BASP1: variants seen among roughly 807,000 people sequenced by gnomAD.
The protein encoded by BASP1 is brain abundant membrane attached signal protein 1.
A neutral mutation model predicts 2.2 loss-of-function variants in BASP1; 1 was observed. That is an observed-to-expected ratio of 0.46 (90% CI 0.16 to 2.17). BASP1 has a LOEUF of 2.17. BASP1 is among the 30% of genes most tolerant of loss of function. The pLI is 0.27. For missense variants in BASP1, 352 were observed against 327.2 expected (o/e 1.08, Z -0.58); for synonymous variants, 187 against 154.2 (o/e 1.21, Z -1.58).
chr5:17,273,798 G>A (rs116125714), intron 1 of BASP1, among the ~76,000 whole-genome samples: 2,073 of 152,178 alleles, frequency 0.014, 52 homozygotes, highest in African/African-American at 0.047. Context: ...CCTCCCTTGG[G>A]GTCCAGGGCA....
chr5:17,275,108 C>T lies in BASP1; in HGVS notation c.-9-100C>T, dbSNP rs1280356880. 2 of 1,080,764 alleles carry T rather than the reference C, an allele frequency of 1.9e-6. No individual in the cohort carries two copies. Among genetic ancestry groups the T allele is most frequent in the Non-Finnish European group, 2.7e-6 (2 of 732,166 alleles). The allele number at this position is 1,080,764 out of a possible 1,614,324, so 66.9% of individuals were successfully genotyped here. On this transcript the variant is annotated intron_variant, in intron 1 of 1. Transcript: ENST00000322611. The surrounding 1 kb of genome is among the most constrained non-coding windows in gnomAD (Gnocchi z 5.3). ...TGCCACCCCTTTGGGGTGTGCAGTG[C>T]AGCAGGCCCAGAACCCCTTGCTTTG...
chr5:17,263,930 A>G (rs1740368988), intron 1 of BASP1, among the ~76,000 whole-genome samples: 1 of 152,224 alleles, frequency 6.6e-6, no homozygotes, highest in Non-Finnish European at 1.5e-5. Context: ...TGCATCCTCT[A>G]AATGATGGGG....
chr5:17,259,309 C>T (rs1423957033), intron 1 of BASP1, among the ~76,000 whole-genome samples: 2 of 152,206 alleles, frequency 1.3e-5, no homozygotes, highest in Non-Finnish European at 2.9e-5. Flanking sequence ...AATTTAATCA[C>T]CTCCCACGGG....
chr5:17,266,286 A>G (rs1740413623), intron 1 of BASP1, among the ~76,000 whole-genome samples: 1 of 152,240 alleles, frequency 6.6e-6, no homozygotes, highest in Non-Finnish European at 1.5e-5. Context: ...GTAGATTTTC[A>G]GAAAAAGCGG....
intron 1 of BASP1, among the ~76,000 whole-genome samples, chr5:17,263,828 A>G (rs1251298317): frequency 6.6e-6 from 1 of 152,246 alleles, no homozygotes; most frequent in Non-Finnish European, 1.5e-5. Context: ...TGTTTTCTCT[A>G]AATTTTTACT....
In BASP1 at chr5:17,259,848, A is replaced by G. The variant is rs371407646; in HGVS notation, c.-9-15360A>G. Among the ~76,000 whole-genome samples, 10 of 152,312 alleles carry G rather than the reference A, an allele frequency of 6.6e-5. 2 individuals are homozygous for G. The highest frequency in any genetic ancestry group is 3.9e-4 in the Admixed American group (6 of 15,302). On this transcript the variant is annotated intron_variant, in intron 1 of 1. Transcript: ENST00000322611. ...ATCATGGTCTGTCTAGTCCATTAAGAAGCAGCAGAAATATCTCAGCTGCTC... is the reference window on the plus strand; with the variant it reads ...ATCATGGTCTGTCTAGTCCATTAAGGAGCAGCAGAAATATCTCAGCTGCTC...
Position 17,276,739 on chromosome 5 carries a change from CAAAAA to C in BASP1, c.*845_*849del, listed in dbSNP as rs11447766. The C allele has an allele frequency of 6.8e-6, 1 of 147,910 alleles. No individual in the cohort carries two copies. The allele number at this position is 147,910 out of a possible 1,614,324, so 9.2% of individuals were successfully genotyped here. ...CTCATTGGAAAATGGAAAAAAAAAA[CAAAAA>C]AAAAACAAAAAAATGTACAATGGAT... On this transcript the variant is annotated 3_prime_UTR_variant, in exon 2 of 2. Coordinates refer to ENST00000322611, the MANE Select transcript of BASP1 (RefSeq NM_006317.5).
At chr5:17,241,863 T>C (rs1739869199) in intron 1 of BASP1, among the ~76,000 whole-genome samples, 1 of 152,162 alleles carries the variant, frequency 6.6e-6, no homozygotes, top group East Asian at 1.9e-4. Context: ...GCAAAACAAG[T>C]ACGTGGAGCT....
chr5:17,218,263 C>T (rs1023564379), intron 1 of BASP1, among the ~76,000 whole-genome samples: 2 of 87,746 alleles, frequency 2.3e-5, no homozygotes, highest in Non-Finnish European at 4.2e-5. Flanking sequence ...GCGCAGCAGC[C>T]AAAGATGGAG....
chr5:17,227,177 T>C (rs4425510), intron 1 of BASP1, among the ~76,000 whole-genome samples: 89,328 of 151,270 alleles, frequency 0.59, 27,846 homozygotes, highest in African/African-American at 0.81. Context: ...GATCCACCTG[T>C]CTTGGCCTCC....
At chr5:17,259,914 G>T (rs1241990853) in intron 1 of BASP1, among the ~76,000 whole-genome samples, 1 of 152,194 alleles carries the variant, frequency 6.6e-6, no homozygotes, top group Non-Finnish European at 1.5e-5. Context: ...TCTGTTTGGA[G>T]AATTCTAAAT....
intron 1 of BASP1, among the ~76,000 whole-genome samples, chr5:17,243,991 A>T (rs539421967): frequency 1.3e-5 from 2 of 152,238 alleles, no homozygotes; most frequent in Non-Finnish European, 2.9e-5. Context: ...TTGCAAATAT[A>T]TCCTTACATT....
chr5:17,237,891 A>T (rs1368759842), intron 1 of BASP1, among the ~76,000 whole-genome samples: 5 of 151,598 alleles, frequency 3.3e-5, no homozygotes, highest in Non-Finnish European at 5.9e-5. Flanking sequence ...GATTACAGGC[A>T]TGAGCCACTG....
At chr5:17,240,163 T>TAAA (rs1739834139) in intron 1 of BASP1, among the ~76,000 whole-genome samples, 1 of 151,418 alleles carries the variant, frequency 6.6e-6, no homozygotes, top group Non-Finnish European at 1.5e-5. Flanking sequence ...AATAAATAAA[T>TAAA]AAATAACAGG....
intron 1 of BASP1, among the ~76,000 whole-genome samples, chr5:17,242,860 AAG>A (rs1332756498): frequency 1.3e-5 from 2 of 152,026 alleles, no homozygotes; most frequent in Non-Finnish European, 2.9e-5. Flanking sequence ...AAAAAAAAAA[AAG>A]GTAATCGTAA....
chr5:17,275,543 G>A lies in BASP1; in HGVS notation c.327G>A (p.Ala109=), dbSNP rs1740627457. 2.1e-6 allele frequency: 3 copies of A among 1,404,524 alleles called. No homozygotes were observed. Among genetic ancestry groups the A allele is most frequent in the East Asian group, 3.0e-5 (1 of 33,410 alleles). The allele number at this position is 1,404,524 out of a possible 1,614,324, so 87.0% of individuals were successfully genotyped here. ...CGAAGGCGCCCGAGCAGGAGCAGGCGGCCCCCGGCCCCGCTGCGGGCGGCG... is the reference window on the plus strand; with the variant it reads ...CGAAGGCGCCCGAGCAGGAGCAGGCAGCCCCCGGCCCCGCTGCGGGCGGCG... ...EPPKAPEQEQ[A]APGPAAGGEA... The change falls in exon 2 of 2, where the codon GCG becomes GCA. Residue 109 remains alanine, a synonymous_variant. Transcript: ENST00000322611. The surrounding 1 kb of genome is among the most constrained non-coding windows in gnomAD (Gnocchi z 5.3).
chr5:17,272,071 G>GAAAAAAAA (rs778258451), intron 1 of BASP1, among the ~76,000 whole-genome samples: 1 of 60,232 alleles, frequency 1.7e-5, no homozygotes, highest in Non-Finnish European at 3.8e-5. Flanking sequence ...TGCATTTCAA[G>GAAAAAAAA]AAAAAAAAAA....
At chr5:17,271,802 C>T (rs950640821) in intron 1 of BASP1, among the ~76,000 whole-genome samples, 2 of 151,924 alleles carry the variant, frequency 1.3e-5, no homozygotes, top group African/African-American at 4.8e-5. Flanking sequence ...CATGGTGGCT[C>T]ACGCCTGTAA....
At chr5:17,238,050 T>A (rs1264136179) in intron 1 of BASP1, among the ~76,000 whole-genome samples, 1 of 152,188 alleles carries the variant, frequency 6.6e-6, no homozygotes, top group Non-Finnish European at 1.5e-5. Context: ...TGGCCTTCTC[T>A]CTTTTGGATG....
Sources: gnomAD v4.1 joint callset for allele counts (sites outside exome capture counted in the v4.1 genomes callset) on GRCh38, gnomAD v4.1.1 for gene constraint, Gnocchi (gnomAD v3.1) non-coding constraint, MANE v1.5 for transcripts, NCBI Gene and HGNC (gene_info 2026-07-23, HGNC 2026-07-21) for gene names.